Variants in NT5C2 observed in about 807,000 individuals in gnomAD.
NT5C2 encodes 5'-nucleotidase, cytosolic II.
NT5C2 carries 58 observed loss-of-function variants against 76.1 expected under a neutral mutation model. The ratio of observed to expected loss-of-function variants is 0.76; its 90% CI spans 0.62 to 0.95. The LOEUF (loss-of-function observed/expected upper bound fraction) is 0.95, where lower values mean the gene tolerates loss of function less well. Among genes scored for constraint, NT5C2 ranks in the 40% least tolerant of loss-of-function variants. The pLI, the probability that NT5C2 is intolerant of heterozygous loss-of-function variation, is 0.00. For missense variants in NT5C2, 478 were observed against 690.3 expected (o/e 0.69, Z 3.45); for synonymous variants, 229 against 237.4 (o/e 0.96, Z 0.32).
At chr10:103,117,164 C>T (rs908555389) in intron 4 of NT5C2, among the ~76,000 whole-genome samples, 2 of 152,008 alleles carry the variant, frequency 1.3e-5, no homozygotes, top group Non-Finnish European at 2.9e-5. Context: ...TTTTACCTAA[C>T]GATCAATGGA....
chr10:103,095,974 T>C lies in NT5C2; in HGVS notation c.778A>G (p.Met260Val). ...NSDYKYTDKI[M>V]TYLFDFPHGP... ...TGTGGGAAGTCAAACAGGTAAGTCA[T>C]AATTTTCTGGAAAAAAAAATTTAAC... The change falls in exon 12 of 19, where the codon ATG becomes GTG. Residue 260 changes from methionine (M) to valine (V), a missense_variant. Physicochemically the swap from Met to Val is conservative, Grantham distance 21. Transcript: ENST00000404739. The C allele has an allele frequency of 6.2e-7, 1 of 1,613,598 alleles. No individual in the cohort carries two copies.
At chr10:103,149,127 C>G (rs2082000168) in intron 3 of NT5C2, among the ~76,000 whole-genome samples, 1 of 152,084 alleles carries the variant, frequency 6.6e-6, no homozygotes, top group South Asian at 2.1e-4. Flanking sequence ...TTTATACTAT[C>G]AGGATGGTTG....
chr10:103,143,323 G>A (rs908785536), intron 3 of NT5C2, among the ~76,000 whole-genome samples: 1 of 152,188 alleles, frequency 6.6e-6, no homozygotes, highest in African/African-American at 2.4e-5. Flanking sequence ...AAGAGTAACT[G>A]CATCAAGGGA....
chr10:103,092,273 C>T (rs2067125769), intron 15 of NT5C2, among the ~76,000 whole-genome samples: 1 of 152,214 alleles, frequency 6.6e-6, no homozygotes, highest in African/African-American at 2.4e-5. Flanking sequence ...AAATAATTTT[C>T]TGTATTCAGC....
At chr10:103,168,046 C>T (rs987737046) in intron 3 of NT5C2, among the ~76,000 whole-genome samples, 5 of 150,896 alleles carry the variant, frequency 3.3e-5, no homozygotes, top group Non-Finnish European at 4.4e-5. Flanking sequence ...TTAGAAGAAA[C>T]GATTATTCAA....
At chr10:103,171,904 A>T (rs1039300071) in intron 3 of NT5C2, among the ~76,000 whole-genome samples, 7 of 151,800 alleles carry the variant, frequency 4.6e-5, no homozygotes, top group Middle Eastern at 3.4e-3. Context: ...AATAAAATAA[A>T]TTTTTTTTTA....
chr10:103,170,658 G>A (rs535375017), intron 3 of NT5C2, among the ~76,000 whole-genome samples: 1 of 151,108 alleles, frequency 6.6e-6, no homozygotes, highest in South Asian at 2.1e-4. Context: ...AGGTAGCTGA[G>A]TCCACAGGCG....
intron 3 of NT5C2, among the ~76,000 whole-genome samples, chr10:103,173,669 G>A (rs2088929822): frequency 6.6e-6 from 1 of 150,698 alleles, no homozygotes; most frequent in Non-Finnish European, 1.5e-5. Flanking sequence ...GCTCACACCT[G>A]TAATCTCAGC....
chr10:103,136,412 T>C (rs913355649), intron 4 of NT5C2, among the ~76,000 whole-genome samples: 1 of 152,208 alleles, frequency 6.6e-6, no homozygotes, highest in Admixed American at 6.5e-5. Context: ...ACAGAATCCA[T>C]GTGTTAAATG....
intron 4 of NT5C2, among the ~76,000 whole-genome samples, chr10:103,111,194 T>C (rs1388101132): frequency 2.0e-5 from 3 of 152,176 alleles, no homozygotes; most frequent in Non-Finnish European, 4.4e-5. Flanking sequence ...ACCCAGGCAA[T>C]AGCTTCAGAG....
chr10:103,152,277 A>G (rs2082541757), intron 3 of NT5C2, among the ~76,000 whole-genome samples: 1 of 152,216 alleles, frequency 6.6e-6, no homozygotes, highest in Non-Finnish European at 1.5e-5. Flanking sequence ...AATCTAAAAC[A>G]GCAGTCCTTT....
chr10:103,151,972 T>C (rs1334102465), intron 3 of NT5C2, among the ~76,000 whole-genome samples: 7 of 152,098 alleles, frequency 4.6e-5, no homozygotes, highest in Admixed American at 1.3e-4. Flanking sequence ...AGAGGGGTAA[T>C]ATAGGTCCCT....
intron 8 of NT5C2, chr10:103,100,540 T>C (rs2069314848): frequency 2.6e-6 from 1 of 390,748 alleles, no homozygotes; most frequent in Non-Finnish European, 5.1e-6. Context: ...ATTGGCTATA[T>C]AATTCTCCCT....
At chr10:103,132,568 G>T (rs2078410205) in intron 4 of NT5C2, among the ~76,000 whole-genome samples, 1 of 151,668 alleles carries the variant, frequency 6.6e-6, no homozygotes, top group Non-Finnish European at 1.5e-5. Flanking sequence ...TTTTGAGACG[G>T]AATCTCACTC....
At chr10:103,091,138 G>C in intron 16 of NT5C2, 142 bp from the exon 17 acceptor site, 1 of 696,736 alleles carries the variant, frequency 1.4e-6, no homozygotes, top group Middle Eastern at 2.6e-4. Flanking sequence ...AGCTTCAAGC[G>C]ATTCTCCTGC....
rs374042051 is a variant in NT5C2, at chr10:103,099,757, G to A, written c.633+169C>T. Among the ~76,000 whole-genome samples the A allele has an allele frequency of 1.6e-3, 250 of 152,056 alleles. 1 individual carries two copies. The highest frequency in any genetic ancestry group is 5.5e-3 in the African/African-American group (229 of 41,482). The stretch of plus-strand genomic sequence containing the variant: ...CTGAGGAAAGATCAACATTACCACC[G>A]AGACCAAAGACAAGAACAAATGTAT... On this transcript the variant is annotated intron_variant, in intron 9 of 18. Coordinates refer to ENST00000404739, the MANE Select transcript of NT5C2 (RefSeq NM_001351169.2).
At chr10:103,130,583 TAAAAAA>T (rs5787482) in intron 4 of NT5C2, among the ~76,000 whole-genome samples, 2 of 137,372 alleles carry the variant, frequency 1.5e-5, no homozygotes, top group Admixed American at 7.3e-5. Flanking sequence ...AAATAAAAAT[TAAAAAA>T]AAAAAAAAGA....
In NT5C2 at chr10:103,089,610, T is replaced by G; in HGVS notation, c.*62A>C. 1 of 1,494,174 alleles carries G rather than the reference T, an allele frequency of 6.7e-7. No individual in the cohort carries two copies. 92.6% of individuals were successfully genotyped at this position (1,494,174 alleles called of 1,614,324 possible). ...GAGTAGAACCCTAACAGGGACCTCG[T>G]TTGTTCCTGTGAGTCCTGCCAGGAC... is the stretch of plus-strand genomic sequence containing the variant. On this transcript the variant is annotated 3_prime_UTR_variant, in exon 19 of 19. Coordinates refer to ENST00000404739, the MANE Select transcript of NT5C2 (RefSeq NM_001351169.2).
chr10:103,120,821 A>C (rs373202204), intron 4 of NT5C2, among the ~76,000 whole-genome samples: 2 of 152,240 alleles, frequency 1.3e-5, no homozygotes, highest in African/African-American at 4.8e-5. Flanking sequence ...AGCAGGAAGC[A>C]GGAACTCAAA....
Sources: allele counts gnomAD v4.1 joint callset (sites outside exome capture counted in the v4.1 genomes callset), GRCh38; gene constraint gnomAD v4.1.1; transcripts MANE v1.5; gene names NCBI Gene and HGNC (gene_info 2026-07-23, HGNC 2026-07-21).